The following HIF1A variants were observed in gnomAD, a reference collection of about 807,000 sequenced individuals.
HIF1A encodes the protein hypoxia inducible factor 1 subunit alpha.
A neutral mutation model predicts 92.7 loss-of-function variants in HIF1A; 24 were observed. The observed-to-expected ratio is 0.26, with a 90% confidence interval of 0.19 to 0.36. The LOEUF is 0.36. Ranked by LOEUF, HIF1A falls within the 10% of genes least tolerant of loss-of-function variation. The probability of loss-of-function intolerance (pLI) is 1.00; values close to 1 mark genes in which losing one functional copy is unlikely to be tolerated. For synonymous variants in HIF1A, 319 were observed against 338.7 expected (o/e 0.94, Z 0.64); for missense variants, 799 against 998.5 (o/e 0.80, Z 2.69).
At chr14:61,702,392 A>T (rs2140118421) in intron 1 of HIF1A, among the ~76,000 whole-genome samples, 1 of 150,902 alleles carries the variant, frequency 6.6e-6, no homozygotes, top group Non-Finnish European at 1.5e-5. Flanking sequence ...GTGAGCCAAG[A>T]TCGCGCCACT....
chr14:61,707,296 C>A (rs1166773488), intron 1 of HIF1A, among the ~76,000 whole-genome samples: 1 of 43,490 alleles, frequency 2.3e-5, no homozygotes. Flanking sequence ...TAAGGCTCAG[C>A]ATTCTGTGTT....
chr14:61,696,222 G>A (rs1356322437), intron 1 of HIF1A, among the ~76,000 whole-genome samples: 1 of 152,252 alleles, frequency 6.6e-6, no homozygotes, highest in African/African-American at 2.4e-5. Flanking sequence ...ATGAGCTGCA[G>A]CTCGGTAGCC....
At chr14:61,704,859 A>G (rs2044220051) in intron 1 of HIF1A, among the ~76,000 whole-genome samples, 1 of 152,140 alleles carries the variant, frequency 6.6e-6, no homozygotes, top group South Asian at 2.1e-4. Context: ...CCACAGTTGA[A>G]CATTCCATTT....
rs1194970127 is a variant in HIF1A, at chr14:61,736,878, T to G, written c.1029-11T>G. The G allele has an allele frequency of 6.3e-7, 1 of 1,586,514 alleles. No homozygotes were observed. Among genetic ancestry groups the G allele is most frequent in the Admixed American group, 1.7e-5 (1 of 59,914 alleles). ...TCATTTGTGAATTACCAATTTCTCT[T>G]GTTTTGACAGTGGTATTATTCAGCA... On this transcript the variant is annotated splice_polypyrimidine_tract_variant and intron_variant, in intron 8 of 14. Coordinates refer to ENST00000337138, the MANE Select transcript of HIF1A (RefSeq NM_001530.4).
intron 9 of HIF1A, 99 bp downstream of exon 9, chr14:61,737,208 G>T: frequency 1.3e-6 from 1 of 766,122 alleles, no homozygotes; most frequent in South Asian, 1.8e-5. Flanking sequence ...TAATCATTTG[G>T]ACATTACAAG....
At position 61,740,778 on chromosome 14, in the gene HIF1A, G is replaced by A. The variant is rs1326588001; in HGVS notation, c.1683G>A (p.Met561Ile). The part of the protein sequence containing the change: ...STQDTDLDLE[M>I]LAPYIPMDDD... ...AGGACACAGATTTAGACTTGGAGAT[G>A]TTAGCTCCCTATATCCCAATGGATG... is the stretch of plus-strand genomic sequence containing the variant. Residue 561 changes from methionine to isoleucine, a missense_variant, in exon 12 of 15, where the codon ATG becomes ATA. Physicochemically the swap from Met to Ile is conservative, Grantham distance 10. Coordinates refer to ENST00000337138, the MANE Select transcript of HIF1A (RefSeq NM_001530.4). 6.2e-7 allele frequency: 1 copy of A among 1,613,398 alleles called. No individual in the cohort carries two copies. Among genetic ancestry groups the A allele is most frequent in the Admixed American group, 1.7e-5 (1 of 59,942 alleles).
In HIF1A at chr14:61,704,286, G is replaced by A. The variant is rs369933797; in HGVS notation, c.35+8447G>A. 6.6e-5 allele frequency among the ~76,000 whole-genome samples: 10 copies of A among 152,188 alleles called. No homozygotes were observed. The South Asian group carries it at 2.1e-3, about 31-fold the overall frequency. Reference sequence around the variant, plus strand: ...ATCTGACGAAGGCTATTCACCACCAGTGAGTAAATAATAGTGGCAGAATAG... The same window carrying A: ...ATCTGACGAAGGCTATTCACCACCAATGAGTAAATAATAGTGGCAGAATAG... On this transcript the variant is annotated intron_variant, in intron 1 of 14. Transcript: ENST00000337138.
At chr14:61,698,002 C>G in intron 1 of HIF1A, 1 of 1,147,640 alleles carries the variant, frequency 8.7e-7, no homozygotes, top group Non-Finnish European at 1.2e-6. Context: ...TCATGTTGTT[C>G]CTAGTTATAG....
chr14:61,727,429 A>T (rs1246022853), intron 5 of HIF1A, 24 bp from the exon 6 acceptor site: 2 of 1,552,788 alleles, frequency 1.3e-6, no homozygotes, highest in Non-Finnish European at 1.8e-6. Flanking sequence ...TATTTTTTTT[A>T]ACTGCTTTGT....
At position 61,747,838 on chromosome 14, in the gene HIF1A, T is replaced by C. The variant is rs926396778; in HGVS notation, c.*753T>C. On this transcript the variant is annotated 3_prime_UTR_variant, in exon 15 of 15. Coordinates refer to ENST00000337138, the MANE Select transcript of HIF1A (RefSeq NM_001530.4). ...TCATCTGATGTTTCTATAGTCACTT[T>C]GCCAGCTCAAAAGAAAACAATACCC... 3.9e-5 allele frequency: 6 copies of C among 152,560 alleles called. No individual in the cohort carries two copies. The highest frequency in any genetic ancestry group is 1.2e-4 in the African/African-American group (5 of 41,454). 9.5% of individuals were successfully genotyped at this position (152,560 alleles called of 1,614,324 possible).
chr14:61,748,131 T>C lies in HIF1A; in HGVS notation c.*1046T>C, dbSNP rs574800089. 1.3e-5 allele frequency: 2 copies of C among 152,726 alleles called. No homozygotes were observed. The highest frequency in any genetic ancestry group is 3.9e-4 in the East Asian group (2 of 5,194). 9.5% of individuals were successfully genotyped at this position (152,726 alleles called of 1,614,324 possible). A position where few individuals can be genotyped will look rare whatever the true frequency, so the allele number is the denominator to read the frequency against. ...GCATTATTTTAGGAATATATAGTTG[T>C]CACAGTAAATATCTTGTTTTTTCTA... On this transcript the variant is annotated 3_prime_UTR_variant, in exon 15 of 15. Coordinates refer to ENST00000337138, the MANE Select transcript of HIF1A (RefSeq NM_001530.4).
Position 61,744,785 on chromosome 14 carries a change from ATGGTTCACTT to A in HIF1A, c.2176_2185del (p.Gly726PhefsTer4). 1 of 1,589,280 alleles carries A rather than the reference ATGGTTCACTT, an allele frequency of 6.3e-7. No homozygotes were observed. The highest frequency in any genetic ancestry group is 1.3e-5 in the African/African-American group (1 of 74,206). ...CAGAGAAAGCGAAAAATGGAACATG[ATGGTTCACTT>A]TTTCAAGCAGTAGGAATTGTAAGTA... On this transcript the variant is annotated frameshift_variant, in exon 13 of 15. Transcript: ENST00000337138. LOFTEE classifies it high-confidence loss of function.
intron 1 of HIF1A, among the ~76,000 whole-genome samples, chr14:61,703,722 T>C (rs994503833): frequency 2.0e-5 from 3 of 152,020 alleles, no homozygotes; most frequent in Non-Finnish European, 4.4e-5. Flanking sequence ...GTGAATGGAG[T>C]TCCCTGATTA....
chr14:61,702,733 T>A (rs1296647411), intron 1 of HIF1A, among the ~76,000 whole-genome samples: 2 of 152,128 alleles, frequency 1.3e-5, no homozygotes, highest in African/African-American at 4.8e-5. Context: ...AATTTTAAAA[T>A]TTTGGAGGAA....
At position 61,740,597 on chromosome 14, in the gene HIF1A, C is replaced by T. The variant is rs368794048; in HGVS notation, c.1629C>T (p.Asp543=). The change falls in exon 11 of 15, where the codon GAC becomes GAT. Residue 543 remains aspartate (D), a synonymous_variant. Transcript: ENST00000337138. ...LELVEKLFAE[D]TEAKNPFSTQ... ...TGGTAGAAAAACTTTTTGCTGAAGACACAGAAGCAAAGAACCCATTTTCTA... is the reference window on the plus strand; with the variant it reads ...TGGTAGAAAAACTTTTTGCTGAAGATACAGAAGCAAAGAACCCATTTTCTA... 6.2e-6 allele frequency: 10 copies of T among 1,608,480 alleles called. No homozygotes were observed. In the African/African-American group the frequency reaches 1.3e-4, roughly 22 times the overall value.
chr14:61,720,780 C>G (rs986086992), intron 2 of HIF1A, among the ~76,000 whole-genome samples: 3 of 152,072 alleles, frequency 2.0e-5, no homozygotes, highest in Non-Finnish European at 2.9e-5. Flanking sequence ...AATAATCATT[C>G]TTTATGCACA....
intron 4 of HIF1A, among the ~76,000 whole-genome samples, chr14:61,725,145 AT>A (rs1018603843): frequency 5.3e-5 from 8 of 152,128 alleles, no homozygotes; most frequent in African/African-American, 1.9e-4. Context: ...AGACTTCTTG[AT>A]TTCCCTTGAC....
At chr14:61,718,762 T>A (rs1362337489) in intron 1 of HIF1A, among the ~76,000 whole-genome samples, 2 of 152,196 alleles carry the variant, frequency 1.3e-5, no homozygotes, top group Admixed American at 1.3e-4. Context: ...TTCATATAAC[T>A]AGTTTTAAGT....
intron 9 of HIF1A, 146 bp downstream of exon 9, chr14:61,737,255 TTAAA>T (rs2044648576): frequency 1.6e-6 from 1 of 629,178 alleles, no homozygotes; most frequent in Admixed American, 3.3e-5. Context: ...ATGTATTTGC[TTAAA>T]TATTTTTGCC....
Sources: gnomAD v4.1 joint callset for allele counts (sites outside exome capture counted in the v4.1 genomes callset) on GRCh38, gnomAD v4.1.1 for gene constraint, MANE v1.5 for transcripts, NCBI Gene and HGNC (gene_info 2026-07-23, HGNC 2026-07-21) for gene names.